The following PAPSS1 variants were observed in gnomAD, a reference collection of about 807,000 sequenced individuals.
The protein encoded by PAPSS1 is bifunctional 3'-phosphoadenosine 5'-phosphosulfate synthase 1.
In PAPSS1, 50 loss-of-function variants were observed where a neutral mutation model predicts 72.0. The ratio of observed to expected loss-of-function variants is 0.69; its 90% confidence interval spans 0.55 to 0.88. The LOEUF (loss-of-function observed/expected upper bound fraction) is 0.88, where lower values mean the gene tolerates loss of function less well. Ranked by LOEUF, PAPSS1 falls within the 40% of genes least tolerant of loss-of-function variation. The pLI, the probability that PAPSS1 is intolerant of heterozygous loss-of-function variation, is 0.00. For missense variants in PAPSS1, 657 were observed against 782.2 expected, an observed-to-expected ratio of 0.84 and a Z score of 1.91; for synonymous variants, 261 against 263.6, an observed-to-expected ratio of 0.99 and a Z score of 0.09.
chr4:107,687,754 A>T (rs1320677384), intron 3 of PAPSS1, among the ~76,000 whole-genome samples: 3 of 152,076 alleles, frequency 2.0e-5, no homozygotes, highest in African/African-American at 7.2e-5. Flanking sequence ...TTTGTAAATC[A>T]ACCTTTTCTT....
intron 3 of PAPSS1, 88 bp from the exon 4 acceptor site, chr4:107,687,265 C>A (rs1338223989): frequency 1.1e-6 from 1 of 936,222 alleles, no homozygotes; most frequent in Non-Finnish European, 1.5e-6. Flanking sequence ...GCTTCTCATC[C>A]AATTTAGTGG....
intron 11 of PAPSS1, among the ~76,000 whole-genome samples, chr4:107,631,272 C>G (rs1258957798): frequency 1.3e-5 from 2 of 152,278 alleles, no homozygotes; most frequent in South Asian, 4.1e-4. Context: ...AGTGATTGCA[C>G]AAATATTAGC....
intron 1 of PAPSS1, among the ~76,000 whole-genome samples, chr4:107,703,642 C>CT (rs1447180080): frequency 6.6e-6 from 1 of 152,048 alleles, no homozygotes; most frequent in African/African-American, 2.4e-5. Context: ...TTATTGGCAC[C>CT]TTTGTCAAAA....
In PAPSS1 at chr4:107,654,597, A is replaced by G. The variant is rs1035307185; in HGVS notation, c.1101+98T>C. On this transcript the variant is annotated intron_variant, in intron 8 of 11. Coordinates refer to ENST00000265174, the MANE Select transcript of PAPSS1 (RefSeq NM_005443.5). ...CCAATCTCTACTATGCAAAATATTA[A>G]CAATTCCAATGAAAAGTCAATACAC... 4 of 941,548 alleles carry G rather than the reference A, an allele frequency of 4.2e-6. No individual in the cohort carries two copies. The African/African-American group carries it at 6.5e-5, about 15-fold the overall frequency. The allele number at this position is 941,548 out of a possible 1,614,324, so 58.3% of individuals were successfully genotyped here.
intron 1 of PAPSS1, among the ~76,000 whole-genome samples, chr4:107,707,423 G>C (rs1723365707): frequency 6.6e-6 from 1 of 152,158 alleles, no homozygotes. Flanking sequence ...TGGAACCTTG[G>C]GCTGCAGAAT....
chr4:107,659,365 T>C (rs1413270026), intron 6 of PAPSS1, among the ~76,000 whole-genome samples: 1 of 152,240 alleles, frequency 6.6e-6, no homozygotes, highest in Non-Finnish European at 1.5e-5. Context: ...GGATGGGGAA[T>C]CTAACTTCTA....
intron 10 of PAPSS1, among the ~76,000 whole-genome samples, chr4:107,635,050 G>T (rs1407016297): frequency 1.3e-5 from 2 of 151,838 alleles, no homozygotes; most frequent in Non-Finnish European, 2.9e-5. Flanking sequence ...CGCCCGCCTT[G>T]GCCTCCCAAA....
intron 5 of PAPSS1, among the ~76,000 whole-genome samples, chr4:107,680,957 G>T (rs1026216468): frequency 1.3e-5 from 2 of 151,902 alleles, no homozygotes; most frequent in African/African-American, 2.4e-5. Context: ...TACAATGTTT[G>T]GATAAAATAA....
intron 2 of PAPSS1, among the ~76,000 whole-genome samples, chr4:107,696,149 T>C (rs986238172): frequency 1.8e-4 from 28 of 152,212 alleles, no homozygotes; most frequent in Non-Finnish European, 8.8e-5. Flanking sequence ...TCAACCATTG[T>C]GGAAGACAGT....
intron 5 of PAPSS1, among the ~76,000 whole-genome samples, chr4:107,671,256 T>C (rs1335949894): frequency 6.7e-6 from 1 of 149,924 alleles, no homozygotes; most frequent in Non-Finnish European, 1.5e-5. Context: ...TTTCTCAAAA[T>C]CAAGTTTTTT....
At chr4:107,668,768 A>G (rs771651478) in intron 5 of PAPSS1, among the ~76,000 whole-genome samples, 6 of 152,142 alleles carry the variant, frequency 3.9e-5, no homozygotes, top group Non-Finnish European at 7.4e-5. Flanking sequence ...TTAATACTTA[A>G]TAAACTCATA....
intron 6 of PAPSS1, among the ~76,000 whole-genome samples, chr4:107,657,575 T>G (rs1217574446): frequency 1.3e-5 from 2 of 151,864 alleles, no homozygotes; most frequent in Admixed American, 1.3e-4. Flanking sequence ...TACAAAAAAT[T>G]AGCCAGATGT....
At chr4:107,694,882 T>C (rs1358644430) in intron 2 of PAPSS1, among the ~76,000 whole-genome samples, 2 of 151,914 alleles carry the variant, frequency 1.3e-5, no homozygotes, top group Admixed American at 6.6e-5. Flanking sequence ...AAACAAGAGA[T>C]AAAATACTAA....
At chr4:107,639,560 C>T (rs935080413) in intron 10 of PAPSS1, among the ~76,000 whole-genome samples, 4 of 152,142 alleles carry the variant, frequency 2.6e-5, no homozygotes, top group African/African-American at 9.7e-5. Context: ...ATAAGTAATA[C>T]ATAATCCTAA....
intron 5 of PAPSS1, among the ~76,000 whole-genome samples, chr4:107,668,875 C>T (rs953183619): frequency 5.3e-5 from 8 of 152,220 alleles, no homozygotes; most frequent in African/African-American, 1.4e-4. Flanking sequence ...CCATGGCATT[C>T]GCTTTCAGCA....
At chr4:107,694,934 C>T (rs1287456744) in intron 2 of PAPSS1, among the ~76,000 whole-genome samples, 1 of 138,586 alleles carries the variant, frequency 7.2e-6, no homozygotes, top group Non-Finnish European at 1.6e-5. Context: ...CATGGTAGTA[C>T]AGAAGGCTAA....
intron 11 of PAPSS1, among the ~76,000 whole-genome samples, chr4:107,629,484 A>C (rs925543310): frequency 6.6e-6 from 1 of 152,226 alleles, no homozygotes; most frequent in African/African-American, 2.4e-5. Flanking sequence ...TGTAAAATTA[A>C]AGTTGAGCAA....
chr4:107,698,049 C>T (rs1046502595), intron 2 of PAPSS1, among the ~76,000 whole-genome samples: 1 of 152,198 alleles, frequency 6.6e-6, no homozygotes, highest in Non-Finnish European at 1.5e-5. Flanking sequence ...AACTTCTAGC[C>T]TCGAGAACTG....
chr4:107,614,152 T>C lies in PAPSS1; in HGVS notation c.*97A>G, dbSNP rs2110292234. ...GAAAATGGTCTGTTTTTAGGAAGCA[T>C]GTCCAGACAGACACCACAAAGAAAT... On this transcript the variant is annotated 3_prime_UTR_variant, in exon 12 of 12. Transcript: ENST00000265174. 1 of 1,290,992 alleles carries C rather than the reference T, an allele frequency of 7.7e-7. No homozygotes were observed. Among genetic ancestry groups the C allele is most frequent in the Admixed American group, 2.2e-5 (1 of 45,396 alleles). 80.0% of individuals were successfully genotyped at this position (1,290,992 alleles called of 1,614,324 possible).
Sources: allele counts gnomAD v4.1 joint callset (sites outside exome capture counted in the v4.1 genomes callset), GRCh38; gene constraint gnomAD v4.1.1; transcripts MANE v1.5; gene names NCBI Gene and HGNC (gene_info 2026-07-23, HGNC 2026-07-21).